Variants in PHC3 observed in about 807,000 individuals in gnomAD.
PHC3 encodes the protein polyhomeotic-like protein 3.
A neutral mutation model predicts 107.4 loss-of-function variants in PHC3; 13 were observed. That is an observed-to-expected ratio of 0.12 (90% CI 0.08 to 0.19). The LOEUF (loss-of-function observed/expected upper bound fraction) is 0.19. PHC3 is among the 10% of genes least tolerant of loss of function. The pLI, the probability that PHC3 is intolerant of heterozygous loss-of-function variation, is 1.00. For synonymous variants in PHC3, 456 were observed against 427.4 expected, an observed-to-expected ratio of 1.07 and a Z score of -0.83; for missense variants, 992 against 1,210.9, an observed-to-expected ratio of 0.82 and a Z score of 2.68.
chr3:170,103,077 C>T, intron 12 of PHC3, 143 bp from the exon 13 acceptor site: 1 of 862,136 alleles, frequency 1.2e-6, no homozygotes, highest in Non-Finnish European at 1.8e-6. Context: ...AAAGTAACTA[C>T]ACTGTTCAAT....
At chr3:170,165,156 A>G (rs1273156086) in intron 4 of PHC3, among the ~76,000 whole-genome samples, 1 of 152,034 alleles carries the variant, frequency 6.6e-6, no homozygotes, top group Non-Finnish European at 1.5e-5. Context: ...TTAGCAATTA[A>G]GAGGAACATC....
Position 170,163,460 on chromosome 3 carries a change from G to GAA in PHC3, c.414+7912_414+7913insTT, listed in dbSNP as rs1361018332. Among the ~76,000 whole-genome samples the GAA allele has an allele frequency of 5.7e-3, 459 of 80,958 alleles. 3 individuals carry two copies. The highest frequency in any genetic ancestry group is 0.019 in the African/African-American group (427 of 22,814). 53.1% of individuals were successfully genotyped at this position (80,958 alleles called of 152,430 possible). ...TGAAAATTCCCAAATATTTAGTAAA[G>GAA]AGTGTGTGTGTGTGTGTGTGTGTGT... On this transcript the variant is annotated intron_variant, in intron 4 of 14. Transcript: ENST00000495893.
chr3:170,136,745 C>T (rs190974787), intron 6 of PHC3, 80 bp from the exon 7 acceptor site: 1 of 1,405,766 alleles, frequency 7.1e-7, no homozygotes, highest in East Asian at 2.4e-5. Context: ...TATGACAATA[C>T]TGACAACACA....
chr3:170,125,977 T>C, intron 8 of PHC3: 1 of 980,552 alleles, frequency 1.0e-6, no homozygotes, highest in Non-Finnish European at 1.2e-6. Flanking sequence ...TAAAGTCCAA[T>C]ATTCCCATCT....
chr3:170,111,860 G>A (rs543145104), intron 11 of PHC3, among the ~76,000 whole-genome samples: 15 of 152,216 alleles, frequency 9.9e-5, no homozygotes, highest in South Asian at 8.3e-4. Context: ...TTAATTTAGC[G>A]AAGTAAAGGC....
At chr3:170,114,598 A>C (rs1577017559) in intron 10 of PHC3, among the ~76,000 whole-genome samples, 1 of 152,250 alleles carries the variant, frequency 6.6e-6, no homozygotes, top group African/African-American at 2.4e-5. Flanking sequence ...AAATCCTCAA[A>C]TATTAACAAA....
intron 7 of PHC3, 36 bp from the exon 8 acceptor site, chr3:170,129,588 C>T (rs780669367): frequency 2.6e-5 from 40 of 1,541,128 alleles, no homozygotes; most frequent in African/African-American, 4.2e-5. Context: ...GTACTGATTT[C>T]AAAAATACAG....
At chr3:170,169,424 A>C (rs1380918920) in intron 4 of PHC3, among the ~76,000 whole-genome samples, 2 of 152,196 alleles carry the variant, frequency 1.3e-5, no homozygotes, top group East Asian at 3.8e-4. Context: ...TATTGACCTA[A>C]ATTTACTAAG....
chr3:170,115,709 C>T (rs938918139), intron 10 of PHC3, among the ~76,000 whole-genome samples: 11 of 152,128 alleles, frequency 7.2e-5, no homozygotes, highest in Middle Eastern at 3.2e-3. Context: ...TTAGTTCTCT[C>T]GACAACTCTA....
At chr3:170,100,597 TTTCTA>T (rs1224321745) in intron 14 of PHC3, among the ~76,000 whole-genome samples, 10 of 152,218 alleles carry the variant, frequency 6.6e-5, no homozygotes, top group African/African-American at 2.4e-4. Context: ...TATATAATGT[TTTCTA>T]AATACCTGGC....
intron 7 of PHC3, among the ~76,000 whole-genome samples, chr3:170,130,725 T>C (rs1487769463): frequency 1.3e-5 from 2 of 152,220 alleles, no homozygotes; most frequent in South Asian, 2.1e-4. Flanking sequence ...CACAGTCAAG[T>C]GGTAGGGAGC....
chr3:170,153,395 C>T (rs1187462747), intron 4 of PHC3, among the ~76,000 whole-genome samples: 1 of 152,154 alleles, frequency 6.6e-6, no homozygotes, highest in Non-Finnish European at 1.5e-5. Flanking sequence ...CAAACTGATA[C>T]CTCTTACTGG....
intron 12 of PHC3, among the ~76,000 whole-genome samples, chr3:170,104,283 G>C (rs942482325): frequency 1.3e-5 from 2 of 151,908 alleles, no homozygotes; most frequent in Admixed American, 1.3e-4. Context: ...TGAACAATGG[G>C]AAAGACCTGG....
intron 10 of PHC3, among the ~76,000 whole-genome samples, chr3:170,113,893 A>T (rs887840544): frequency 3.3e-5 from 5 of 152,236 alleles, no homozygotes; most frequent in Non-Finnish European, 5.9e-5. Context: ...ACTGAAAAAC[A>T]AAGGCAATAA....
intron 4 of PHC3, among the ~76,000 whole-genome samples, chr3:170,157,291 T>C (rs181430954): frequency 6.6e-6 from 1 of 152,302 alleles, no homozygotes; most frequent in African/African-American, 2.4e-5. Context: ...TAAATGCATA[T>C]ATGCACACTT....
intron 4 of PHC3, among the ~76,000 whole-genome samples, chr3:170,155,876 T>C (rs1467993617): frequency 6.6e-6 from 1 of 152,200 alleles, no homozygotes; most frequent in African/African-American, 2.4e-5. Context: ...GGTGTATATA[T>C]ATAATGCCTT....
chr3:170,146,691 C>A (rs1237578334), intron 5 of PHC3, among the ~76,000 whole-genome samples: 3 of 150,212 alleles, frequency 2.0e-5, no homozygotes, highest in Non-Finnish European at 1.5e-5. Context: ...CGCCACAACG[C>A]CCGGCTAATT....
chr3:170,135,297 T>A (rs1722887714), intron 7 of PHC3, among the ~76,000 whole-genome samples: 1 of 152,046 alleles, frequency 6.6e-6, no homozygotes, highest in Non-Finnish European at 1.5e-5. Flanking sequence ...ACTACAGGTG[T>A]GCACCACCAT....
rs1358006551 is a variant in PHC3, at chr3:170,097,846, T to C, written c.2834-462A>G. On this transcript the variant is annotated intron_variant, in intron 14 of 14. Transcript: ENST00000495893. The surrounding 1 kb of genome is among the most constrained non-coding windows in gnomAD (Gnocchi z 4.1). Reference sequence around the variant, plus strand: ...ATCTAGAAATATTTTCTCAAGTAAGTACCACTTTCATTATCATTTGTACCT... The same window carrying C: ...ATCTAGAAATATTTTCTCAAGTAAGCACCACTTTCATTATCATTTGTACCT... Among the ~76,000 whole-genome samples, 1 of 152,232 alleles carries C rather than the reference T, an allele frequency of 6.6e-6. No homozygotes were observed. Among genetic ancestry groups the C allele is most frequent in the African/African-American group, 2.4e-5 (1 of 41,464 alleles).
Sources: allele counts gnomAD v4.1 joint callset (sites outside exome capture counted in the v4.1 genomes callset), GRCh38; gene constraint gnomAD v4.1.1; non-coding constraint Gnocchi (gnomAD v3.1); transcripts MANE v1.5; gene names NCBI Gene and HGNC (gene_info 2026-07-23, HGNC 2026-07-21).